DOCK1: variants seen among roughly 807,000 people sequenced by gnomAD.
DOCK1 encodes dedicator of cytokinesis protein 1.
A neutral mutation model predicts 262.7 loss-of-function variants in DOCK1; 138 were observed. The observed-to-expected ratio is 0.53, with a 90% CI of 0.46 to 0.61. The LOEUF (loss-of-function observed/expected upper bound fraction) is 0.61, where lower values mean the gene tolerates loss of function less well. Ranked by LOEUF, DOCK1 falls within the 20% of genes least tolerant of loss-of-function variation. DOCK1 has a pLI of 0.00. For missense variants in DOCK1, 1,908 were observed against 2,370.7 expected, an observed-to-expected ratio of 0.80 and a Z score of 4.05; for synonymous variants, 866 against 867.4, an observed-to-expected ratio of 1.00 and a Z score of 0.03.
chr10:127,209,113 T>C (rs1197850582), intron 27 of DOCK1, among the ~76,000 whole-genome samples: 1 of 152,198 alleles, frequency 6.6e-6, no homozygotes, highest in African/African-American at 2.4e-5. Context: ...TGAAATTTAT[T>C]TGATGATCCA....
chr10:127,079,379 G>A (rs537204900), intron 23 of DOCK1, among the ~76,000 whole-genome samples: 3 of 152,220 alleles, frequency 2.0e-5, no homozygotes, highest in African/African-American at 7.2e-5. Flanking sequence ...TTCCTCTCTG[G>A]AATCCTTCTC....
At chr10:127,071,019 T>C (rs1473648394) in intron 23 of DOCK1, among the ~76,000 whole-genome samples, 1 of 152,082 alleles carries the variant, frequency 6.6e-6, no homozygotes, top group Non-Finnish European at 1.5e-5. Flanking sequence ...TATTTTGATT[T>C]GATAAGTTTG....
At chr10:126,948,536 G>C (rs1313300296) in intron 1 of DOCK1, among the ~76,000 whole-genome samples, 1 of 151,890 alleles carries the variant, frequency 6.6e-6, no homozygotes, top group Non-Finnish European at 1.5e-5. Flanking sequence ...GCATCTGGAT[G>C]AACCTCTTTT....
chr10:127,241,243 C>T (rs368782633), intron 27 of DOCK1, among the ~76,000 whole-genome samples: 2 of 152,270 alleles, frequency 1.3e-5, no homozygotes, highest in East Asian at 3.9e-4. Flanking sequence ...CACTTGAACC[C>T]AGGAAGCGGA....
rs371052769 is a variant in DOCK1 at position 127,362,133 on chromosome 10, C to A, written c.3353C>A (p.Thr1118Lys). Residue 1118 changes from threonine (T) to lysine (K), a missense_variant, in exon 33 of 52, where the codon ACG becomes AAG. Physicochemically the swap from Thr to Lys is moderately conservative, Grantham distance 78. Coordinates refer to ENST00000623213, the MANE Select transcript of DOCK1 (RefSeq NM_001290223.2). Reference protein sequence around the residue: ...PILEMTLIPETELRKATIPIF... With the variant: ...PILEMTLIPEKELRKATIPIF... ...TTAGAAATGACATTAATTCCCGAGA[C>A]GGAGCTGCGCAAAGCCACCATCCCC... is the stretch of plus-strand genomic sequence containing the variant. 16 of 1,613,748 alleles carry A rather than the reference C, an allele frequency of 9.9e-6. No homozygotes were observed. Among genetic ancestry groups the A allele is most frequent in the Non-Finnish European group, 1.4e-5 (16 of 1,179,826 alleles).
chr10:127,429,102 G>GGGGTGCCGTGT (rs2069104281), intron 47 of DOCK1, among the ~76,000 whole-genome samples: 1 of 151,938 alleles, frequency 6.6e-6, no homozygotes, highest in South Asian at 2.1e-4. Flanking sequence ...CGTGTGGATT[G>GGGGTGCCGTGT]GGATGCTGTG....
intron 29 of DOCK1, among the ~76,000 whole-genome samples, chr10:127,291,517 C>T (rs1433023419): frequency 2.0e-5 from 3 of 152,196 alleles, no homozygotes; most frequent in Non-Finnish European, 4.4e-5. Context: ...TACAGCACAG[C>T]CCCATGTGTT....
chr10:126,931,581 G>A (rs1013014028), intron 1 of DOCK1, among the ~76,000 whole-genome samples: 5 of 152,192 alleles, frequency 3.3e-5, no homozygotes, highest in Non-Finnish European at 1.5e-5. Context: ...AAAGACAGAA[G>A]CCCCCACTGG....
rs775231422 is a variant in DOCK1, at chr10:127,447,514, C to G, written c.5534C>G (p.Pro1845Arg). 1.2e-6 allele frequency: 2 copies of G among 1,613,866 alleles called. No individual in the cohort carries two copies. The highest frequency in any genetic ancestry group is 3.3e-5 in the Admixed American group (2 of 60,010). ...LMENQDLLGS[P>R]TPPPPPPHQR... The stretch of plus-strand genomic sequence containing the variant: ...GAAAACCAGGACTTGCTGGGCTCGC[C>G]AACACCTCCACCTCCCCCTCCACAC... Residue 1845 changes from proline to arginine, a missense_variant, in exon 51 of 52, where the codon CCA becomes CGA. By Grantham distance (103) the Pro-to-Arg change is moderately radical. This residue lies in a region of DOCK1 where 383 missense variants were observed against 420.1 expected (regional missense o/e 0.91). Coordinates refer to ENST00000623213, the MANE Select transcript of DOCK1 (RefSeq NM_001290223.2).
chr10:127,002,385 C>T (rs965412185), intron 10 of DOCK1, among the ~76,000 whole-genome samples: 2 of 152,110 alleles, frequency 1.3e-5, no homozygotes, highest in African/African-American at 4.8e-5. Flanking sequence ...CAGTTTTTAC[C>T]TTCTTTTGAT....
At chr10:127,430,511 G>A (rs2069207008) in intron 47 of DOCK1, among the ~76,000 whole-genome samples, 1 of 152,152 alleles carries the variant, frequency 6.6e-6, no homozygotes. Context: ...TGGTGCAGTT[G>A]TGTCCTTCAG....
At chr10:127,162,329 C>T (rs1212589351) in intron 27 of DOCK1, among the ~76,000 whole-genome samples, 2 of 152,144 alleles carry the variant, frequency 1.3e-5, no homozygotes, top group African/African-American at 4.8e-5. Flanking sequence ...CTATTTTTGT[C>T]ATCCCATGTG....
intron 18 of DOCK1, among the ~76,000 whole-genome samples, chr10:127,036,861 T>C (rs1471317847): frequency 2.0e-5 from 3 of 151,540 alleles, no homozygotes; most frequent in African/African-American, 4.9e-5. Context: ...CCTGTAATCT[T>C]AGCTACTTCG....
At chr10:127,075,821 G>A (rs964036233) in intron 23 of DOCK1, among the ~76,000 whole-genome samples, 1 of 152,162 alleles carries the variant, frequency 6.6e-6, no homozygotes, top group African/African-American at 2.4e-5. Flanking sequence ...TGAGATTTGG[G>A]TGGGGACACA....
chr10:127,064,644 C>T (rs549085099), intron 23 of DOCK1, among the ~76,000 whole-genome samples: 2 of 152,332 alleles, frequency 1.3e-5, no homozygotes, highest in South Asian at 4.1e-4. Context: ...CCCCGCTCCC[C>T]AGGCGCCCGC....
intron 23 of DOCK1, among the ~76,000 whole-genome samples, chr10:127,089,413 T>A (rs1308632743): frequency 6.6e-6 from 1 of 152,146 alleles, no homozygotes; most frequent in Non-Finnish European, 1.5e-5. Flanking sequence ...CTTCCTTCTT[T>A]TTTTCCTTGG....
At chr10:127,428,276 C>T (rs946451451) in intron 47 of DOCK1, among the ~76,000 whole-genome samples, 1 of 152,214 alleles carries the variant, frequency 6.6e-6, no homozygotes, top group Non-Finnish European at 1.5e-5. Context: ...AGAAAGCTGT[C>T]TGGCTCACCA....
chr10:127,045,425 G>A (rs573086498), intron 21 of DOCK1, among the ~76,000 whole-genome samples: 58 of 152,222 alleles, frequency 3.8e-4, no homozygotes, highest in Non-Finnish European at 6.8e-4. Context: ...GGTCGCCTCC[G>A]CATTGGTGAT....
chr10:126,996,360 A>G (rs1242439906), intron 6 of DOCK1, among the ~76,000 whole-genome samples: 1 of 136,732 alleles, frequency 7.3e-6, no homozygotes, highest in African/African-American at 2.8e-5. Context: ...AGTATGGGCA[A>G]CAAGAACGAG....
Sources: gnomAD v4.1 joint callset for allele counts (sites outside exome capture counted in the v4.1 genomes callset) on GRCh38, gnomAD v4.1.1 for gene constraint, gnomAD v4.1.1 regional missense constraint, MANE v1.5 for transcripts, NCBI Gene and HGNC (gene_info 2026-07-23, HGNC 2026-07-21) for gene names.